The following RBFOX1 variants were observed in gnomAD, a reference collection of about 807,000 sequenced individuals.
The protein encoded by RBFOX1 is RNA binding protein fox-1 homolog 1.
A neutral mutation model predicts 57.7 loss-of-function variants in RBFOX1; 8 were observed. The ratio of observed to expected loss-of-function variants is 0.14; its 90% CI spans 0.08 to 0.25. RBFOX1 has a LOEUF of 0.25. Among genes scored for constraint, RBFOX1 ranks in the 10% least tolerant of loss-of-function variants. The probability of loss-of-function intolerance (pLI) is 1.00; values close to 1 mark genes in which losing one functional copy is unlikely to be tolerated. For missense variants in RBFOX1, 611 were observed against 548.5 expected (o/e 1.11, Z -1.14); for synonymous variants, 326 against 222.4 (o/e 1.47, Z -4.15).
At chr16:5,938,483 C>T (rs548399121) in intron 4 of RBFOX1, among the ~76,000 whole-genome samples, 11 of 152,280 alleles carry the variant, frequency 7.2e-5, no homozygotes, top group East Asian at 1.9e-4. Context: ...ACTCAGTCTC[C>T]GTGGCAAGTT....
chr16:7,180,511 T>A (rs1019409081), intron 4 of RBFOX1, among the ~76,000 whole-genome samples: 5 of 152,170 alleles, frequency 3.3e-5, no homozygotes, highest in Non-Finnish European at 7.3e-5. Flanking sequence ...ATTTATCTGG[T>A]AGGGTCCTTT....
At chr16:6,441,106 C>T (rs1340196720) in intron 2 of RBFOX1, among the ~76,000 whole-genome samples, 1 of 152,060 alleles carries the variant, frequency 6.6e-6, no homozygotes, top group Non-Finnish European at 1.5e-5. Context: ...AGGCAGTGAG[C>T]CCAGTGCCGT....
chr16:6,477,332 T>A (rs1052167575), intron 2 of RBFOX1, among the ~76,000 whole-genome samples: 1 of 152,228 alleles, frequency 6.6e-6, no homozygotes, highest in East Asian at 1.9e-4. Flanking sequence ...ATAATAAGAC[T>A]GGAAATCAAA....
At chr16:6,052,180 C>T (rs968332180) in intron 1 of RBFOX1, among the ~76,000 whole-genome samples, 5 of 152,134 alleles carry the variant, frequency 3.3e-5, no homozygotes, top group African/African-American at 1.2e-4. Context: ...CTTGGTGTCC[C>T]TCCGTTTCCA....
At chr16:6,068,053 C>T (rs879457032) in intron 1 of RBFOX1, among the ~76,000 whole-genome samples, 5 of 152,008 alleles carry the variant, frequency 3.3e-5, no homozygotes, top group South Asian at 2.1e-4. Context: ...TCTCAGAGTT[C>T]TGTTTAATTG....
rs549325024 is a variant in RBFOX1, at chr16:6,737,404, G to A, written c.-16+82754G>A. Among the ~76,000 whole-genome samples the A allele has an allele frequency of 5.9e-5, 9 of 152,266 alleles. No homozygotes were observed. In the East Asian group the frequency reaches 1.7e-3, roughly 29 times the overall value. The stretch of plus-strand genomic sequence containing the variant: ...ACTAGAAGAAATATTGGGCCTTCAT[G>A]TAAGTGTGCATCACAGTATTAAAAT... On this transcript the variant is annotated intron_variant, in intron 3 of 15. Transcript: ENST00000550418.
intron 3 of RBFOX1, among the ~76,000 whole-genome samples, chr16:5,728,802 C>T (rs112363797): frequency 1.3e-5 from 2 of 152,246 alleles, no homozygotes; most frequent in African/African-American, 4.8e-5. Flanking sequence ...TTCTGCTGGC[C>T]CCTTTCTTCC....
At chr16:7,118,701 G>C (rs1377035570) in intron 4 of RBFOX1, among the ~76,000 whole-genome samples, 4 of 152,168 alleles carry the variant, frequency 2.6e-5, no homozygotes, top group Non-Finnish European at 5.9e-5. Flanking sequence ...ATTAGTAAAG[G>C]CGTGAATGTT....
chr16:5,808,196 AG>A (rs1028671313), intron 3 of RBFOX1, among the ~76,000 whole-genome samples: 4 of 152,332 alleles, frequency 2.6e-5, no homozygotes, highest in African/African-American at 9.6e-5. Context: ...TGGCCTCATT[AG>A]GACAGAGGCA....
chr16:6,247,793 C>T (rs1041876988), intron 1 of RBFOX1, among the ~76,000 whole-genome samples: 13 of 152,096 alleles, frequency 8.5e-5, no homozygotes, highest in Non-Finnish European at 1.9e-4. Context: ...TGAGTGCGTG[C>T]GAGAGACAGA....
intron 13 of RBFOX1, among the ~76,000 whole-genome samples, chr16:7,672,210 T>C (rs1440701464): frequency 1.3e-5 from 2 of 152,152 alleles, no homozygotes; most frequent in Non-Finnish European, 1.5e-5. Flanking sequence ...TGAACAAATT[T>C]GTAGGAAGAA....
chr16:6,705,526 C>T (rs1207373789), intron 3 of RBFOX1: 1 of 152,138 alleles, frequency 6.6e-6, no homozygotes, highest in Non-Finnish European at 1.5e-5. Context: ...GCCTACTACC[C>T]AGATCTCAGT....
At chr16:5,721,051 C>A (rs1244738470) in intron 3 of RBFOX1, among the ~76,000 whole-genome samples, 1 of 152,112 alleles carries the variant, frequency 6.6e-6, no homozygotes, top group East Asian at 1.9e-4. Flanking sequence ...GTCTTCTAAT[C>A]CATGAATATG....
intron 10 of RBFOX1, among the ~76,000 whole-genome samples, chr16:7,627,895 T>C (rs796314617): frequency 1.1e-4 from 17 of 150,388 alleles, no homozygotes; most frequent in African/African-American, 4.2e-4. Flanking sequence ...TTACAAAAGG[T>C]CAAAATCATT....
chr16:6,632,336 A>AG (rs2098395257), intron 2 of RBFOX1, among the ~76,000 whole-genome samples: 1 of 150,308 alleles, frequency 6.7e-6, no homozygotes, highest in Non-Finnish European at 1.5e-5. Context: ...CCAGGGAGAA[A>AG]GAAAAAAAAA....
At chr16:5,678,123 G>A (rs1464881672) in intron 3 of RBFOX1, among the ~76,000 whole-genome samples, 1 of 152,152 alleles carries the variant, frequency 6.6e-6, no homozygotes, top group African/African-American at 2.4e-5. Context: ...CCTCACCTCT[G>A]CTTTCCTTTC....
At chr16:6,338,108 A>G (rs2084021247) in intron 2 of RBFOX1, among the ~76,000 whole-genome samples, 1 of 152,210 alleles carries the variant, frequency 6.6e-6, no homozygotes, top group South Asian at 2.1e-4. Flanking sequence ...ATATTCTACT[A>G]TCAGATACTT....
At position 6,665,496 on chromosome 16, in the gene RBFOX1, G is replaced by T. The variant is rs540914378; in HGVS notation, c.-16+10846G>T. 3.3e-5 allele frequency among the ~76,000 whole-genome samples: 5 copies of T among 151,934 alleles called. No individual in the cohort carries two copies. In the East Asian group the frequency reaches 5.8e-4, roughly 18 times the overall value. ...AAATATTAGCCAGGCATAGTGACAGGCACCTGTAATCGCAGCTACTTGGGA... is the reference window on the plus strand; with the variant it reads ...AAATATTAGCCAGGCATAGTGACAGTCACCTGTAATCGCAGCTACTTGGGA... On this transcript the variant is annotated intron_variant, in intron 3 of 15. Transcript: ENST00000550418.
At chr16:5,514,929 C>G (rs570853731) in intron 2 of RBFOX1, among the ~76,000 whole-genome samples, 26 of 152,244 alleles carry the variant, frequency 1.7e-4, no homozygotes, top group Non-Finnish European at 3.2e-4. Context: ...TGGAAAGAAG[C>G]ATGGCGCCAG....
Sources: allele counts gnomAD v4.1 joint callset (sites outside exome capture counted in the v4.1 genomes callset), GRCh38; gene constraint gnomAD v4.1.1; transcripts MANE v1.5; gene names NCBI Gene and HGNC (gene_info 2026-07-23, HGNC 2026-07-21).